CNGA1: variants seen among roughly 807,000 people sequenced by gnomAD.
CNGA1 encodes the protein cyclic nucleotide gated channel subunit alpha 1.
CNGA1 carries 53 observed loss-of-function variants against 69.7 expected under a neutral mutation model. That is an observed-to-expected ratio of 0.76 (90% CI 0.61 to 0.96). The LOEUF (loss-of-function observed/expected upper bound fraction) is 0.96, where lower values mean the gene tolerates loss of function less well. Among genes scored for constraint, CNGA1 ranks in the 40% least tolerant of loss-of-function variants. The pLI is 0.00. For synonymous variants in CNGA1, 249 were observed against 283.5 expected (o/e 0.88, Z 1.22); for missense variants, 739 against 811.2 (o/e 0.91, Z 1.08).
chr4:47,951,037 G>A (rs1739707440), intron 5 of CNGA1, among the ~76,000 whole-genome samples: 1 of 152,174 alleles, frequency 6.6e-6, no homozygotes, highest in Admixed American at 6.5e-5. Flanking sequence ...AACTTGGAAC[G>A]CCATGGCCAT....
At chr4:47,974,548 G>A (rs556810072) in intron 3 of CNGA1, among the ~76,000 whole-genome samples, 1 of 152,232 alleles carries the variant, frequency 6.6e-6, no homozygotes, top group East Asian at 1.9e-4. Context: ...CCATTATTGG[G>A]CAGGGTGCAT....
At chr4:48,002,349 G>A (rs983061709) in intron 2 of CNGA1, among the ~76,000 whole-genome samples, 1 of 152,162 alleles carries the variant, frequency 6.6e-6, no homozygotes, top group Admixed American at 6.5e-5. Context: ...AGGCTGGACA[G>A]CAACATTTTT....
intron 3 of CNGA1, among the ~76,000 whole-genome samples, chr4:47,967,753 C>G (rs934114992): frequency 6.6e-6 from 1 of 152,032 alleles, no homozygotes; most frequent in African/African-American, 2.4e-5. Context: ...CCGAGGTGGG[C>G]GGATCACAAG....
In CNGA1 at chr4:47,944,235, C is replaced by T. The variant is rs1739263627; in HGVS notation, c.288-823G>A. On this transcript the variant is annotated intron_variant, in intron 6 of 10. Coordinates refer to ENST00000514170, the MANE Select transcript of CNGA1 (RefSeq NM_001379270.1). The stretch of plus-strand genomic sequence containing the variant: ...GAGAAGAAGAGAGAGGATGTTAGAG[C>T]AGGAAAATTTCTAAGTGCAATGGAC... Among the ~76,000 whole-genome samples the T allele has an allele frequency of 2.0e-5, 3 of 152,098 alleles. No homozygotes were observed. The South Asian group carries it at 6.3e-4, about 32-fold the overall frequency.
At chr4:47,960,168 C>T (rs1740345098) in intron 3 of CNGA1, among the ~76,000 whole-genome samples, 1 of 152,104 alleles carries the variant, frequency 6.6e-6, no homozygotes, top group African/African-American at 2.4e-5. Flanking sequence ...TGAAAATGTG[C>T]TTAACTCATC....
At chr4:47,959,961 T>C (rs1268605851) in intron 3 of CNGA1, among the ~76,000 whole-genome samples, 1 of 152,128 alleles carries the variant, frequency 6.6e-6, no homozygotes, top group African/African-American at 2.4e-5. Flanking sequence ...CTTTTGCTTA[T>C]CAAAAGACAT....
intron 3 of CNGA1, among the ~76,000 whole-genome samples, chr4:47,974,091 G>C (rs1741207696): frequency 6.6e-6 from 1 of 151,378 alleles, no homozygotes; most frequent in Non-Finnish European, 1.5e-5. Flanking sequence ...TAGATAGATA[G>C]ATAGATAGAT....
At chr4:47,950,130 T>C (rs1420540331) in intron 5 of CNGA1, among the ~76,000 whole-genome samples, 1 of 152,232 alleles carries the variant, frequency 6.6e-6, no homozygotes, top group Non-Finnish European at 1.5e-5. Flanking sequence ...CATAGTGATA[T>C]GGTTTGGCTG....
At chr4:48,012,216 C>T (rs554031670) in intron 1 of CNGA1, among the ~76,000 whole-genome samples, 73 of 152,192 alleles carry the variant, frequency 4.8e-4, no homozygotes, top group African/African-American at 1.7e-3. Flanking sequence ...GGGCATGACT[C>T]CCCAGACACC....
intron 1 of CNGA1, among the ~76,000 whole-genome samples, chr4:48,014,446 C>A (rs1715292742): frequency 6.6e-6 from 1 of 152,122 alleles, no homozygotes; most frequent in Non-Finnish European, 1.5e-5. Context: ...CAACAAAATG[C>A]CTCTTACCTA....
intron 3 of CNGA1, among the ~76,000 whole-genome samples, chr4:47,954,405 A>G (rs917957029): frequency 1.3e-5 from 2 of 152,204 alleles, no homozygotes; most frequent in Non-Finnish European, 2.9e-5. Flanking sequence ...GGAGCTCACT[A>G]TAACACATGC....
chr4:47,966,761 A>T (rs533067506), intron 3 of CNGA1, among the ~76,000 whole-genome samples: 111 of 152,356 alleles, frequency 7.3e-4, no homozygotes, highest in African/African-American at 2.6e-3. Context: ...AGCAACTATT[A>T]TAAGTATATT....
In CNGA1 at chr4:47,937,580, A is replaced by G. The variant is rs1475259449; in HGVS notation, c.902T>C (p.Met301Thr). 3 of 1,614,214 alleles carry G rather than the reference A, an allele frequency of 1.9e-6. No homozygotes were observed. Among genetic ancestry groups the G allele is most frequent in the Admixed American group, 1.7e-5 (1 of 60,036 alleles). The change falls in exon 11 of 11, where the codon ATG (methionine) becomes ACG (threonine). Residue 301 changes from methionine to threonine, a missense_variant. Transcript: ENST00000514170. ...PNIFRISNLV[M>T]YIVIIIHWNA... ...CCAGTGGATAATGATGACGATATACATAACAAGGTTGGAAATCCTGAAGAT... is the reference window on the plus strand; with the variant it reads ...CCAGTGGATAATGATGACGATATACGTAACAAGGTTGGAAATCCTGAAGAT...
intron 4 of CNGA1, 94 bp downstream of exon 4, chr4:47,952,489 G>A (rs187061658): frequency 8.0e-6 from 11 of 1,377,366 alleles, no homozygotes; most frequent in East Asian, 2.4e-5. Context: ...AAAGTTCAAG[G>A]TTACAAATTA....
At chr4:47,943,841 C>G (rs1739240165) in intron 6 of CNGA1, among the ~76,000 whole-genome samples, 1 of 152,168 alleles carries the variant, frequency 6.6e-6, no homozygotes, top group African/African-American at 2.4e-5. Context: ...GAGGGGATAA[C>G]CCTGACTGAA....
At chr4:47,958,265 C>T (rs186087043) in intron 3 of CNGA1, among the ~76,000 whole-genome samples, 333 of 152,180 alleles carry the variant, frequency 2.2e-3, no homozygotes, top group Non-Finnish European at 2.7e-3. Flanking sequence ...ATTCTTGACT[C>T]TTTTTGTTCT....
At chr4:47,960,107 T>C (rs921524826) in intron 3 of CNGA1, among the ~76,000 whole-genome samples, 1 of 151,898 alleles carries the variant, frequency 6.6e-6, no homozygotes, top group African/African-American at 2.4e-5. Context: ...TAAACAAAAA[T>C]CATCAACAAA....
chr4:47,951,440 G>A lies in CNGA1; in HGVS notation c.137C>T (p.Ser46Phe). The A allele has an allele frequency of 6.2e-7, 1 of 1,613,534 alleles. No homozygotes were observed. Among genetic ancestry groups the A allele is most frequent in the Non-Finnish European group, 8.5e-7 (1 of 1,179,534 alleles). Residue 46 changes from serine (S) to phenylalanine (F), a missense_variant, in exon 5 of 11, where the codon TCT (serine) becomes TTT (phenylalanine). Ser to Phe is a radical substitution (Grantham distance 155, BLOSUM62 -2). Transcript: ENST00000514170. ...TTCATTCTCTGATTCTTCAGATGTAGAGGCACTGTCATCATCCTCAGAAAA... is the reference window on the plus strand; with the variant it reads ...TTCATTCTCTGATTCTTCAGATGTAAAGGCACTGTCATCATCCTCAGAAAA... Reference protein sequence around the residue: ...SSFSEDDDSASTSEESENENP... With the variant: ...SSFSEDDDSAFTSEESENENP...
At chr4:47,942,575 G>A (rs957917637) in intron 8 of CNGA1, among the ~76,000 whole-genome samples, 5 of 152,094 alleles carry the variant, frequency 3.3e-5, no homozygotes, top group Non-Finnish European at 7.4e-5. Context: ...CATAGATCTG[G>A]GGTCCCCAAC....
Sources: gnomAD v4.1 joint callset for allele counts (sites outside exome capture counted in the v4.1 genomes callset) on GRCh38, gnomAD v4.1.1 for gene constraint, MANE v1.5 for transcripts, NCBI Gene and HGNC (gene_info 2026-07-23, HGNC 2026-07-21) for gene names.